CPNE4: variants seen among roughly 807,000 people sequenced by gnomAD.
The protein encoded by CPNE4 is copine 4, also known as copine-4.
A neutral mutation model predicts 67.9 loss-of-function variants in CPNE4; 25 were observed. That is an observed-to-expected ratio of 0.37 (90% confidence interval 0.27 to 0.51). The LOEUF (loss-of-function observed/expected upper bound fraction) is 0.51. Among genes scored for constraint, CPNE4 ranks in the 20% least tolerant of loss-of-function variants. The pLI is 0.93. For missense variants in CPNE4, 464 were observed against 690.8 expected (o/e 0.67, Z 3.68); for synonymous variants, 242 against 244.9 (o/e 0.99, Z 0.11).
At chr3:131,922,459 A>T (rs2070768066) in intron 1 of CPNE4, among the ~76,000 whole-genome samples, 1 of 152,216 alleles carries the variant, frequency 6.6e-6, no homozygotes, top group Non-Finnish European at 1.5e-5. Context: ...ACAGGTCTTA[A>T]GCTAAAGCCA....
chr3:131,565,786 G>T (rs1937023516), intron 10 of CPNE4, among the ~76,000 whole-genome samples: 2 of 148,334 alleles, frequency 1.3e-5, no homozygotes, highest in African/African-American at 2.5e-5. Context: ...ATCAGGGGAT[G>T]CCTACTGATA....
At chr3:131,611,178 G>C (rs1219875857) in intron 7 of CPNE4, among the ~76,000 whole-genome samples, 1 of 152,106 alleles carries the variant, frequency 6.6e-6, no homozygotes, top group African/African-American at 2.4e-5. Context: ...GGCCAAAGGA[G>C]AATGAGATAG....
At chr3:131,572,927 A>C (rs537009486) in intron 10 of CPNE4, among the ~76,000 whole-genome samples, 1 of 152,226 alleles carries the variant, frequency 6.6e-6, no homozygotes, top group Admixed American at 6.5e-5. Context: ...AACCAGGCAG[A>C]TAATAAACAC....
chr3:131,556,139 C>T (rs890569586), intron 11 of CPNE4, among the ~76,000 whole-genome samples: 5 of 151,914 alleles, frequency 3.3e-5, no homozygotes, highest in Admixed American at 1.3e-4. Flanking sequence ...TTTGGGAGGC[C>T]GAGGTGGGTA....
intron 2 of CPNE4, among the ~76,000 whole-genome samples, chr3:131,766,038 C>CA (rs367956273): frequency 9.1e-4 from 139 of 152,160 alleles, no homozygotes; most frequent in African/African-American, 3.2e-3. Flanking sequence ...GTTGGGGAAT[C>CA]AGAAGGTCCA....
chr3:131,636,756 A>G (rs1438473215), intron 7 of CPNE4, among the ~76,000 whole-genome samples: 1 of 152,084 alleles, frequency 6.6e-6, no homozygotes, highest in African/African-American at 2.4e-5. Context: ...ACTAAACAAA[A>G]ACACAACTAA....
intron 2 of CPNE4, among the ~76,000 whole-genome samples, chr3:131,750,037 C>T (rs973103309): frequency 6.6e-6 from 1 of 152,138 alleles, no homozygotes; most frequent in Non-Finnish European, 1.5e-5. Context: ...TTAGGTCTCT[C>T]TTACTCTTCC....
chr3:132,031,496 T>C (rs2074233940), intron 1 of CPNE4, among the ~76,000 whole-genome samples: 1 of 152,156 alleles, frequency 6.6e-6, no homozygotes, highest in South Asian at 2.1e-4. Flanking sequence ...GTAGAGACTT[T>C]TACCCAATTA....
chr3:132,026,328 G>T (rs1324743773), intron 1 of CPNE4, among the ~76,000 whole-genome samples: 1 of 152,182 alleles, frequency 6.6e-6, no homozygotes, highest in East Asian at 1.9e-4. Flanking sequence ...TACAGACATG[G>T]TCATATCTAT....
At chr3:131,910,251 A>G (rs1036011950) in intron 1 of CPNE4, among the ~76,000 whole-genome samples, 1 of 152,146 alleles carries the variant, frequency 6.6e-6, no homozygotes, top group Non-Finnish European at 1.5e-5. Context: ...GAGAAAGAGA[A>G]CAGCATATTT....
At chr3:132,033,244 C>A (rs956596139) in intron 1 of CPNE4, among the ~76,000 whole-genome samples, 4 of 152,170 alleles carry the variant, frequency 2.6e-5, no homozygotes, top group African/African-American at 9.7e-5. Flanking sequence ...ACCAAGTGAG[C>A]CAAGAAAAAC....
intron 2 of CPNE4, among the ~76,000 whole-genome samples, chr3:131,808,041 T>C (rs955482339): frequency 1.3e-5 from 2 of 152,268 alleles, no homozygotes; most frequent in Non-Finnish European, 1.5e-5. Flanking sequence ...AAAGTAACCA[T>C]AGCAGCAACA....
At chr3:131,875,782 T>C (rs2087420957) in intron 2 of CPNE4, among the ~76,000 whole-genome samples, 1 of 152,054 alleles carries the variant, frequency 6.6e-6, no homozygotes, top group African/African-American at 2.4e-5. Context: ...CATGTATACA[T>C]ATGTAACAAA....
intron 2 of CPNE4, among the ~76,000 whole-genome samples, chr3:131,813,101 C>T (rs1001988733): frequency 5.9e-5 from 9 of 151,944 alleles, no homozygotes; most frequent in African/African-American, 9.7e-5. Context: ...TATTTTTGAC[C>T]TATAAATGGC....
intron 1 of CPNE4, among the ~76,000 whole-genome samples, chr3:132,013,524 C>A (rs2073821051): frequency 6.6e-6 from 1 of 152,078 alleles, no homozygotes; most frequent in Non-Finnish European, 1.5e-5. Context: ...TTATCAGAAC[C>A]CAAGGTCAAC....
At chr3:131,940,802 G>A (rs2071363036) in intron 1 of CPNE4, among the ~76,000 whole-genome samples, 1 of 152,104 alleles carries the variant, frequency 6.6e-6, no homozygotes, top group Non-Finnish European at 1.5e-5. Context: ...TTACAAGGTA[G>A]ATGGAGATGT....
chr3:131,566,032 G>A (rs1937040606), intron 10 of CPNE4, among the ~76,000 whole-genome samples: 1 of 152,024 alleles, frequency 6.6e-6, no homozygotes, highest in Non-Finnish European at 1.5e-5. Flanking sequence ...AGGGCTTGGA[G>A]TTGGGTTTAA....
chr3:131,973,757 G>A (rs1418706478), intron 1 of CPNE4, among the ~76,000 whole-genome samples: 1 of 152,184 alleles, frequency 6.6e-6, no homozygotes, highest in Non-Finnish European at 1.5e-5. Context: ...GTGGAAGAAT[G>A]GGCATGAATT....
At chr3:131,551,630 T>C (rs7652705) in intron 13 of CPNE4, among the ~76,000 whole-genome samples, 2,592 of 152,098 alleles carry the variant, frequency 0.017, 80 homozygotes, top group African/African-American at 0.058. Context: ...GGTATTGATA[T>C]CATATTCTTG....
Sources: allele counts gnomAD v4.1 joint callset (sites outside exome capture counted in the v4.1 genomes callset), GRCh38; gene constraint gnomAD v4.1.1; transcripts MANE v1.5; gene names NCBI Gene and HGNC (gene_info 2026-07-23, HGNC 2026-07-21).